Variants in FSD2 observed in about 807,000 individuals in gnomAD.
FSD2 encodes the protein fibronectin type III and SPRY domain containing 2.
FSD2 carries 71 observed loss-of-function variants against 80.4 expected under a neutral mutation model. That is an observed-to-expected ratio of 0.88 (90% CI 0.73 to 1.08). The LOEUF (loss-of-function observed/expected upper bound fraction) is 1.08, where lower values mean the gene tolerates loss of function less well. Among genes scored for constraint, FSD2 ranks in the 50% least tolerant of loss-of-function variants. The pLI, the probability that FSD2 is intolerant of heterozygous loss-of-function variation, is 0.00. For missense variants in FSD2, 923 were observed against 913.8 expected (o/e 1.01, Z -0.13); for synonymous variants, 361 against 329.5 (o/e 1.10, Z -1.03).
rs1180388849 is a variant in FSD2 at position 82,758,855 on chromosome 15, G to C, written c.*493C>G. The C allele has an allele frequency of 5.9e-6, 1 of 168,814 alleles. No homozygotes were observed. Among genetic ancestry groups the C allele is most frequent in the African/African-American group, 2.4e-5 (1 of 41,618 alleles). 10.5% of individuals were successfully genotyped at this position (168,814 alleles called of 1,614,324 possible). On this transcript the variant is annotated 3_prime_UTR_variant, in exon 13 of 13. Transcript: ENST00000334574. ...GTGGAAGGGACCTCACCACAGTGCT[G>C]CTCACTATTGGGAAAACGAGGGTAG...
chr15:82,771,942 T>C lies in FSD2; in HGVS notation c.1267+131A>G, dbSNP rs1310713287. 5.2e-6 allele frequency: 5 copies of C among 967,676 alleles called. No homozygotes were observed. The African/African-American group carries it at 8.5e-5, about 16-fold the overall frequency. The allele number at this position is 967,676 out of a possible 1,614,324, so 59.9% of individuals were successfully genotyped here. On this transcript the variant is annotated intron_variant, in intron 7 of 12. Transcript: ENST00000334574. The stretch of plus-strand genomic sequence containing the variant: ...GCCCTTTCTGCCCTGTTCACCTGCC[T>C]GCATCCAATCCTCTGCATGTCTAGA...
At position 82,756,693 on chromosome 15, in the gene FSD2, G is replaced by A. The variant is rs1474562043; in HGVS notation, c.*2655C>T. Reference sequence around the variant, plus strand: ...CCATGTTAGTTTACGCCAAGATTCTGTGGTGGTTTTACATATTCTTTTTCC... The same window carrying A: ...CCATGTTAGTTTACGCCAAGATTCTATGGTGGTTTTACATATTCTTTTTCC... On this transcript the variant is annotated 3_prime_UTR_variant, in exon 13 of 13. Transcript: ENST00000334574. The A allele has an allele frequency of 6.6e-6, 1 of 152,192 alleles. No homozygotes were observed. The highest frequency in any genetic ancestry group is 1.5e-5 in the Non-Finnish European group (1 of 68,044). 9.4% of individuals were successfully genotyped at this position (152,192 alleles called of 1,614,324 possible).
chr15:82,798,879 T>TTTG lies in FSD2; in HGVS notation c.-79+7086_-79+7087insCAA, dbSNP rs1555411286. Among the ~76,000 whole-genome samples, 5 of 137,422 alleles carry TTTG rather than the reference T, an allele frequency of 3.6e-5. 1 individual carries two copies. Among genetic ancestry groups the TTTG allele is most frequent in the Non-Finnish European group, 7.7e-5 (5 of 64,544 alleles). 90.2% of individuals were successfully genotyped at this position (137,422 alleles called of 152,430 possible). ...TCTTTCCACTATCTCCACTGTTTTGTTTTTTTTTTTTTTTTTGAGACAGGG... is the reference window on the plus strand; with the variant it reads ...TCTTTCCACTATCTCCACTGTTTTGTTTGTTTTTTTTTTTTTTTTGAGACAGGG... On this transcript the variant is annotated intron_variant, in intron 1 of 12. Coordinates refer to ENST00000334574, the MANE Select transcript of FSD2 (RefSeq NM_001007122.4).
intron 1 of FSD2, among the ~76,000 whole-genome samples, chr15:82,788,341 C>CA (rs34050167): frequency 0.45 from 56,897 of 126,362 alleles, 12,058 homozygotes; most frequent in African/African-American, 0.49. Flanking sequence ...ACCAAAAATA[C>CA]AAAAAAAAAA....
chr15:82,786,380 A>G, intron 3 of FSD2, 131 bp downstream of exon 3: 1 of 686,554 alleles, frequency 1.5e-6, no homozygotes, highest in Non-Finnish European at 2.5e-6. Context: ...AGAAGGGAGG[A>G]GAGAAGGGGG....
intron 9 of FSD2, among the ~76,000 whole-genome samples, chr15:82,768,124 A>T (rs923851896): frequency 6.6e-6 from 1 of 152,222 alleles, no homozygotes. Flanking sequence ...AGGGGTGAAC[A>T]TGAGCTTCCA....
chr15:82,778,972 T>G, intron 5 of FSD2, 85 bp from the exon 6 acceptor site: 1 of 1,459,982 alleles, frequency 6.8e-7, no homozygotes, highest in Non-Finnish European at 9.4e-7. Flanking sequence ...CTGTCATAAA[T>G]GAAGAGGGGC....
intron 12 of FSD2, among the ~76,000 whole-genome samples, chr15:82,761,085 G>A (rs1005010330): frequency 2.0e-5 from 3 of 152,186 alleles, no homozygotes; most frequent in African/African-American, 7.2e-5. Flanking sequence ...GTCTTCATCT[G>A]TTATCGGAGG....
rs1206266174 is a variant in FSD2, at chr15:82,770,017, G to A, written c.1268-133C>T. The A allele has an allele frequency of 4.3e-6, 4 of 940,788 alleles. No individual in the cohort carries two copies. The Admixed American group carries it at 9.4e-5, about 22-fold the overall frequency. The allele number at this position is 940,788 out of a possible 1,614,324, so 58.3% of individuals were successfully genotyped here. ...TCCCATCCCTGTATGCACTCCCTCT[G>A]CAGCATGACTTTGCTGCTCCTTCCA... On this transcript the variant is annotated intron_variant, in intron 7 of 12. Transcript: ENST00000334574.
Position 82,756,960 on chromosome 15 carries a change from A to G in FSD2, c.*2388T>C, listed in dbSNP as rs1395420121. 3 of 152,242 alleles carry G rather than the reference A, an allele frequency of 2.0e-5. No individual in the cohort carries two copies. The highest frequency in any genetic ancestry group is 4.8e-5 in the African/African-American group (2 of 41,458). 9.4% of individuals were successfully genotyped at this position (152,242 alleles called of 1,614,324 possible). A position where few individuals can be genotyped will look rare whatever the true frequency, so the allele number is the denominator to read the frequency against. ...TTGAGGTAAATCTGTCCCTTGCTGA[A>G]TACAGTTTCAGTAGATTGTTTATAG... On this transcript the variant is annotated 3_prime_UTR_variant, in exon 13 of 13. Coordinates refer to ENST00000334574, the MANE Select transcript of FSD2 (RefSeq NM_001007122.4).
chr15:82,768,480 T>C (rs2049475850), intron 9 of FSD2, among the ~76,000 whole-genome samples: 1 of 152,222 alleles, frequency 6.6e-6, no homozygotes, highest in Non-Finnish European at 1.5e-5. Context: ...TTTGTTTTCT[T>C]GCCTTTTGTC....
intron 11 of FSD2, 31 bp downstream of exon 11, chr15:82,765,135 A>G (rs756246509): frequency 2.6e-6 from 4 of 1,565,536 alleles, no homozygotes; most frequent in Non-Finnish European, 2.6e-6. Flanking sequence ...GGAAGTTCAC[A>G]GAACGCCCTT....
Position 82,759,011 on chromosome 15 carries a change from C to T in FSD2, c.*337G>A, listed in dbSNP as rs561014353. The T allele has an allele frequency of 4.5e-4, 101 of 225,838 alleles. No individual in the cohort carries two copies. The highest frequency in any genetic ancestry group is 7.9e-4 in the Non-Finnish European group (90 of 113,208). The allele number at this position is 225,838 out of a possible 1,614,324, so 14.0% of individuals were successfully genotyped here. On this transcript the variant is annotated 3_prime_UTR_variant, in exon 13 of 13. Coordinates refer to ENST00000334574, the MANE Select transcript of FSD2 (RefSeq NM_001007122.4). Reference sequence around the variant, plus strand: ...CTGCTGGAGCCATTAAGACTACCCTCGTCCTCTCCCAAGCTCTCTAGGTCT... The same window carrying T: ...CTGCTGGAGCCATTAAGACTACCCTTGTCCTCTCCCAAGCTCTCTAGGTCT...
chr15:82,778,955 T>C (rs1045948083), intron 5 of FSD2, 68 bp from the exon 6 acceptor site: 3 of 1,534,490 alleles, frequency 2.0e-6, no homozygotes, highest in Non-Finnish European at 2.7e-6. Context: ...TATATAGTGC[T>C]GAGTCACTGT....
intron 4 of FSD2, among the ~76,000 whole-genome samples, chr15:82,782,340 C>T (rs984431130): frequency 5.1e-4 from 77 of 151,946 alleles, no homozygotes; most frequent in African/African-American, 1.7e-3. Flanking sequence ...GCAGAGCTGG[C>T]GGTGAGCCGA....
At chr15:82,783,795 A>C (rs903751599) in intron 3 of FSD2, among the ~76,000 whole-genome samples, 1 of 152,174 alleles carries the variant, frequency 6.6e-6, no homozygotes, top group Non-Finnish European at 1.5e-5. Context: ...AGATTAAATC[A>C]ACTAGGATCA....
chr15:82,796,000 CTT>C (rs143711664), intron 1 of FSD2, among the ~76,000 whole-genome samples: 30,613 of 117,094 alleles, frequency 0.26, 3,433 homozygotes, highest in East Asian at 0.39. Context: ...TTTTTCTTTT[CTT>C]TTTTTTTTTT....
intron 1 of FSD2, among the ~76,000 whole-genome samples, chr15:82,800,691 CAAAA>C (rs769762172): frequency 6.3e-5 from 3 of 47,828 alleles, no homozygotes; most frequent in Non-Finnish European, 1.0e-4. Context: ...GATTCTGTCT[CAAAA>C]AAAAAAAAAA....
At chr15:82,768,762 T>G in intron 9 of FSD2, 118 bp downstream of exon 9, 59 of 990,078 alleles carry the variant, frequency 6.0e-5, no homozygotes, top group Non-Finnish European at 7.1e-5. Context: ...AACCAAAAAT[T>G]GAGATTCCTG....
Sources: gnomAD v4.1 joint callset for allele counts (sites outside exome capture counted in the v4.1 genomes callset) on GRCh38, gnomAD v4.1.1 for gene constraint, MANE v1.5 for transcripts, NCBI Gene and HGNC (gene_info 2026-07-23, HGNC 2026-07-21) for gene names.